ALKBH3: variants seen among roughly 807,000 people sequenced by gnomAD.
ALKBH3 encodes alpha-ketoglutarate-dependent dioxygenase alkB homolog 3.
Under a neutral mutation model 43.9 loss-of-function variants are expected in ALKBH3, and 51 were observed. That is an observed-to-expected ratio of 1.16 (90% CI 0.93 to 1.47). The LOEUF (loss-of-function observed/expected upper bound fraction) is 1.47. Ranked by LOEUF, ALKBH3 falls within the 40% of genes most tolerant of loss-of-function variation. The probability of loss-of-function intolerance (pLI) is 0.00; values close to 1 mark genes in which losing one functional copy is unlikely to be tolerated. For missense variants in ALKBH3, 361 were observed against 351.9 expected, an observed-to-expected ratio of 1.03 and a Z score of -0.21; for synonymous variants, 102 against 115.2, an observed-to-expected ratio of 0.89 and a Z score of 0.73.
At chr11:43,914,487 A>T (rs1951966622) in intron 8 of ALKBH3, among the ~76,000 whole-genome samples, 1 of 152,196 alleles carries the variant, frequency 6.6e-6, no homozygotes, top group African/African-American at 2.4e-5. Flanking sequence ...GAAGCATGGA[A>T]AAAAAAGAAT....
intron 4 of ALKBH3, among the ~76,000 whole-genome samples, chr11:43,885,827 A>T (rs113313896): frequency 2.0e-5 from 3 of 152,346 alleles, no homozygotes; most frequent in African/African-American, 7.2e-5. Flanking sequence ...AATAGACTGT[A>T]AGGTCTAGTG....
At chr11:43,909,330 A>G (rs1343337950) in intron 8 of ALKBH3, 1 of 152,144 alleles carries the variant, frequency 6.6e-6, no homozygotes, top group Non-Finnish European at 1.5e-5. Flanking sequence ...TCATTTCTGT[A>G]ATTAATATGT....
chr11:43,907,463 T>G (rs1378882607), intron 8 of ALKBH3, among the ~76,000 whole-genome samples: 1 of 152,192 alleles, frequency 6.6e-6, no homozygotes, highest in Non-Finnish European at 1.5e-5. Flanking sequence ...TGTGTTTCCT[T>G]GTGAAACTAA....
At chr11:43,890,076 G>A (rs1376083309) in intron 6 of ALKBH3, among the ~76,000 whole-genome samples, 2 of 152,162 alleles carry the variant, frequency 1.3e-5, no homozygotes, top group Admixed American at 6.5e-5. Flanking sequence ...AGGAACCAAA[G>A]GAAATTTGGT....
At chr11:43,883,315 A>G in intron 3 of ALKBH3, 127 bp downstream of exon 3, 1 of 639,124 alleles carries the variant, frequency 1.6e-6, no homozygotes, top group Non-Finnish European at 2.6e-6. Flanking sequence ...GAACTATAAT[A>G]ATAATGAAAT....
At position 43,897,464 on chromosome 11, in the gene ALKBH3, A is replaced by G; in HGVS notation, c.460-4052A>G. 5 of 740,448 alleles carry G rather than the reference A, an allele frequency of 6.8e-6. No individual in the cohort carries two copies. In the South Asian group the frequency reaches 7.1e-5, roughly 11 times the overall value. 45.9% of individuals were successfully genotyped at this position (740,448 alleles called of 1,614,324 possible). On this transcript the variant is annotated intron_variant, in intron 7 of 9. Transcript: ENST00000302708. ...GCTGTTGTATTACAATCATGGTGCA[A>G]AAATACCAGTCACCAGTGAGGGTAT...
Position 43,901,529 on chromosome 11 carries a change from TG to T in ALKBH3, c.474del (p.Arg159AlafsTer3). 1 of 1,613,658 alleles carries T rather than the reference TG, an allele frequency of 6.2e-7. No individual in the cohort carries two copies. The highest frequency in any genetic ancestry group is 2.2e-5 in the East Asian group (1 of 44,884). On this transcript the variant is annotated frameshift_variant, in exon 8 of 10. Transcript: ENST00000302708. LOFTEE classifies it high-confidence loss of function. Reference sequence around the variant, plus strand: ...TGTGGATTGCAGTGGCACCCTGTGCTGCGCACACTAAAGAACCGCATTGAAG... The same window carrying T: ...TGTGGATTGCAGTGGCACCCTGTGCTCGCACACTAAAGAACCGCATTGAAG... ...MEPNPHWHPV[L>X]RTLKNRIEEN...
chr11:43,896,471 G>A (rs1051834490), intron 7 of ALKBH3, among the ~76,000 whole-genome samples: 2 of 152,198 alleles, frequency 1.3e-5, no homozygotes, highest in Non-Finnish European at 2.9e-5. Context: ...AACGACGTAG[G>A]CTGGGAGGCT....
chr11:43,891,845 C>G (rs1271076027), intron 6 of ALKBH3, among the ~76,000 whole-genome samples, 196 bp from the exon 7 acceptor site: 1 of 152,188 alleles, frequency 6.6e-6, no homozygotes. Context: ...GTGGTGTCTG[C>G]CAACATAGTG....
intron 8 of ALKBH3, among the ~76,000 whole-genome samples, chr11:43,908,570 ATAT>A (rs1311603267): frequency 1.3e-5 from 2 of 151,950 alleles, no homozygotes; most frequent in African/African-American, 4.8e-5. Flanking sequence ...TTTTTTGGAA[ATAT>A]TATATTGCCA....
At chr11:43,911,404 A>C (rs1053051912) in intron 8 of ALKBH3, among the ~76,000 whole-genome samples, 20 of 152,268 alleles carry the variant, frequency 1.3e-4, no homozygotes, top group African/African-American at 4.6e-4. Flanking sequence ...TCTGCATTTG[A>C]TTTTGTCCCT....
intron 7 of ALKBH3, 85 bp downstream of exon 7, chr11:43,892,214 C>A: frequency 8.5e-7 from 1 of 1,183,334 alleles, no homozygotes; most frequent in Non-Finnish European, 1.2e-6. Flanking sequence ...AATTACCTTG[C>A]AGAGATTCAT....
intron 7 of ALKBH3, chr11:43,899,540 C>T: frequency 1.5e-6 from 1 of 676,674 alleles, no homozygotes; most frequent in Non-Finnish European, 2.8e-6. Flanking sequence ...CAGTCTCACT[C>T]CAGCTCCATG....
At chr11:43,883,910 G>T in intron 3 of ALKBH3, 73 bp from the exon 4 acceptor site, 2 of 1,559,306 alleles carry the variant, frequency 1.3e-6, no homozygotes, top group Non-Finnish European at 1.8e-6. Flanking sequence ...ACCAGAAATG[G>T]GAAGATATGG....
At chr11:43,883,259 C>T (rs1951724278) in intron 3 of ALKBH3, 71 bp downstream of exon 3, 6 of 1,058,384 alleles carry the variant, frequency 5.7e-6, no homozygotes, top group Non-Finnish European at 8.4e-6. Context: ...ACAGTAGACA[C>T]TCAAATAAAT....
chr11:43,896,292 C>G (rs1951818349), intron 7 of ALKBH3, among the ~76,000 whole-genome samples: 1 of 138,594 alleles, frequency 7.2e-6, no homozygotes, highest in South Asian at 2.6e-4. Flanking sequence ...CACACACACA[C>G]ACACACACGT....
At chr11:43,912,037 C>T (rs1054939815) in intron 8 of ALKBH3, among the ~76,000 whole-genome samples, 6 of 152,050 alleles carry the variant, frequency 3.9e-5, no homozygotes, top group Non-Finnish European at 7.4e-5. Context: ...GCAGAAGAAT[C>T]GCTTGAACCT....
intron 6 of ALKBH3, among the ~76,000 whole-genome samples, chr11:43,890,969 G>A (rs1174671928): frequency 6.6e-6 from 1 of 152,156 alleles, no homozygotes; most frequent in African/African-American, 2.4e-5. Flanking sequence ...TACGATGTAA[G>A]TGCTATGTAA....
At chr11:43,894,147 T>C (rs533418503) in intron 7 of ALKBH3, among the ~76,000 whole-genome samples, 2 of 152,378 alleles carry the variant, frequency 1.3e-5, no homozygotes, top group East Asian at 3.9e-4. Flanking sequence ...TTTTTAAACT[T>C]GTTTTAGTTT....
Sources: gnomAD v4.1 joint callset for allele counts (sites outside exome capture counted in the v4.1 genomes callset) on GRCh38, gnomAD v4.1.1 for gene constraint, MANE v1.5 for transcripts, NCBI Gene and HGNC (gene_info 2026-07-23, HGNC 2026-07-21) for gene names.